The following TRABD2A variants were observed in gnomAD, a reference collection of about 807,000 sequenced individuals.
TRABD2A encodes the protein metalloprotease TIKI1.
A neutral mutation model predicts 45.6 loss-of-function variants in TRABD2A; 43 were observed. The observed-to-expected ratio is 0.94, with a 90% CI of 0.74 to 1.22. TRABD2A has a LOEUF of 1.22. TRABD2A is among the 50% of genes most tolerant of loss of function. TRABD2A has a pLI of 0.00. For missense variants in TRABD2A, 642 were observed against 652.4 expected (o/e 0.98, Z 0.17); for synonymous variants, 269 against 265.0 (o/e 1.02, Z -0.15).
intron 1 of TRABD2A, among the ~76,000 whole-genome samples, chr2:84,872,728 G>A (rs1409707599): frequency 3.3e-5 from 5 of 152,150 alleles, no homozygotes; most frequent in Admixed American, 2.0e-4. Context: ...CTAAACTGTT[G>A]TTCCTAGGGG....
intron 1 of TRABD2A, chr2:84,879,722 G>C (rs1051348237): frequency 4.1e-6 from 2 of 484,248 alleles, no homozygotes; most frequent in African/African-American, 4.2e-5. Context: ...TTGAAACCAT[G>C]CCTGGTGCAG....
At position 84,841,905 on chromosome 2, in the gene TRABD2A, A is replaced by C. The variant is rs1031260886; in HGVS notation, c.772T>G (p.Cys258Gly). 6 of 1,547,748 alleles carry C rather than the reference A, an allele frequency of 3.9e-6. No homozygotes were observed. The highest frequency in any genetic ancestry group is 4.4e-6 in the Non-Finnish European group (5 of 1,146,168). ...TTEDLIKHYN[C>G]GDLSSVILSH... The stretch of plus-strand genomic sequence containing the variant: ...AGGATGACGGAGCTGAGGTCCCCGC[A>C]GTTATAGTGTTTGATGAGATCCTCC... Residue 258 changes from cysteine (C) to glycine (G), a missense_variant, in exon 3 of 7, where the codon TGC becomes GGC. Transcript: ENST00000409520.
intron 2 of TRABD2A, among the ~76,000 whole-genome samples, chr2:84,867,290 A>G (rs751246407): frequency 3.2e-4 from 48 of 152,224 alleles, no homozygotes; most frequent in Non-Finnish European, 4.3e-4. Context: ...AATGTGTTAT[A>G]AAATCAACAT....
intron 4 of TRABD2A, chr2:84,833,051 C>T (rs1162633033): frequency 2.6e-5 from 4 of 152,074 alleles, no homozygotes; most frequent in Non-Finnish European, 4.4e-5. Context: ...GCAAATAGGC[C>T]CCGAGAAGGA....
chr2:84,873,176 T>C (rs1389793945), intron 1 of TRABD2A, among the ~76,000 whole-genome samples: 2 of 150,558 alleles, frequency 1.3e-5, no homozygotes, highest in Non-Finnish European at 2.9e-5. Context: ...ATCCCAGCAC[T>C]TTGGGAGGCC....
intron 1 of TRABD2A, among the ~76,000 whole-genome samples, chr2:84,880,335 C>T (rs1391925345): frequency 6.6e-6 from 1 of 152,138 alleles, no homozygotes; most frequent in Non-Finnish European, 1.5e-5. Context: ...CCCGGCTGGA[C>T]ACGCAAGGCT....
chr2:84,855,746 A>C (rs1379958305), intron 2 of TRABD2A, among the ~76,000 whole-genome samples: 1 of 151,644 alleles, frequency 6.6e-6, no homozygotes, highest in African/African-American at 2.4e-5. Flanking sequence ...CCACATTTGC[A>C]GCAGACCTTT....
chr2:84,843,627 C>T (rs918933856), intron 2 of TRABD2A: 1 of 152,554 alleles, frequency 6.6e-6, no homozygotes, highest in Non-Finnish European at 1.5e-5. Flanking sequence ...TGGTGAGGGC[C>T]TTCTTGCTGC....
chr2:84,824,546 C>CTTTT (rs33984190), intron 5 of TRABD2A, among the ~76,000 whole-genome samples: 3 of 106,092 alleles, frequency 2.8e-5, no homozygotes, highest in Non-Finnish European at 3.8e-5. Flanking sequence ...ACAATTATAG[C>CTTTT]TTTTTTTTTT....
At chr2:84,826,715 G>A (rs28714646) in intron 5 of TRABD2A, among the ~76,000 whole-genome samples, 8,991 of 152,202 alleles carry the variant, frequency 0.059, 459 homozygotes, top group African/African-American at 0.13. Context: ...TGTATTTTTA[G>A]TAGAGACGAG....
rs1681358726 is a variant in TRABD2A, at chr2:84,832,074, C to T, written c.1063G>A (p.Ala355Thr). 3 of 1,613,338 alleles carry T rather than the reference C, an allele frequency of 1.9e-6. No individual in the cohort carries two copies. The highest frequency in any genetic ancestry group is 2.5e-6 in the Non-Finnish European group (3 of 1,179,906). The change falls in exon 5 of 7, where the codon GCT (alanine) becomes ACT (threonine). Residue 355 changes from alanine (A) to threonine (T), a missense_variant. Coordinates refer to ENST00000409520, the MANE Select transcript of TRABD2A (RefSeq NM_001277053.2). ...REGYEVEHAP[A>T]GRPIHKGKSK... ...GGTTACTTGTGGATGGGTCGTCCAG[C>T]AGGGGCGTGTTCTACCTCATAGCCT...
Position 84,836,645 on chromosome 2 carries a change from C to T in TRABD2A, c.991+2504G>A, listed in dbSNP as rs555392999. On this transcript the variant is annotated intron_variant, in intron 4 of 6. Transcript: ENST00000409520. ...TTTTTATTTCTTTCTTTTTTTCTCT[C>T]CTGTCTTCTGGGACTCCCGTTAGGT... is the stretch of plus-strand genomic sequence containing the variant. The T allele has an allele frequency of 2.0e-5, 3 of 152,088 alleles. No homozygotes were observed. The South Asian group carries it at 6.2e-4, about 32-fold the overall frequency. 9.4% of individuals were successfully genotyped at this position (152,088 alleles called of 1,614,324 possible).
At chr2:84,869,916 T>A (rs1027691809) in intron 2 of TRABD2A, among the ~76,000 whole-genome samples, 1 of 149,346 alleles carries the variant, frequency 6.7e-6, no homozygotes, top group African/African-American at 2.5e-5. Context: ...AGGGCAGAGG[T>A]TGCAGTGAAC....
At chr2:84,875,708 G>C (rs1401704945) in intron 1 of TRABD2A, among the ~76,000 whole-genome samples, 1 of 152,154 alleles carries the variant, frequency 6.6e-6, no homozygotes, top group Non-Finnish European at 1.5e-5. Context: ...TCCAGATGTA[G>C]TCTAGAAAAC....
At position 84,871,122 on chromosome 2, in the gene TRABD2A, A is replaced by T. The variant is rs184734641; in HGVS notation, c.109-337T>A. Among the ~76,000 whole-genome samples the T allele has an allele frequency of 1.5e-4, 23 of 152,286 alleles. No individual in the cohort carries two copies. In the East Asian group the frequency reaches 4.1e-3, roughly 27 times the overall value. Reference sequence around the variant, plus strand: ...GACTCAGCTTTTCAATCAAAAGGGGATGGGACCCCCTTTTCAATCAAAATG... The same window carrying T: ...GACTCAGCTTTTCAATCAAAAGGGGTTGGGACCCCCTTTTCAATCAAAATG... On this transcript the variant is annotated intron_variant, in intron 1 of 6. Transcript: ENST00000409520.
chr2:84,839,479 C>T (rs371204326), intron 3 of TRABD2A, among the ~76,000 whole-genome samples, 156 bp from the exon 4 acceptor site: 25 of 152,246 alleles, frequency 1.6e-4, no homozygotes, highest in African/African-American at 6.0e-4. Flanking sequence ...ATGTTTCCCA[C>T]TCTATCACAT....
Position 84,859,299 on chromosome 2 carries a change from T to A in TRABD2A, c.669+10926A>T, listed in dbSNP as rs563380843. On this transcript the variant is annotated intron_variant, in intron 2 of 6. Coordinates refer to ENST00000409520, the MANE Select transcript of TRABD2A (RefSeq NM_001277053.2). ...AATACAGTATGGCCGGATTGAGCTA[T>A]CAGAAAACTACCTCCCTCCAATTGC... 5.9e-5 allele frequency among the ~76,000 whole-genome samples: 9 copies of A among 152,248 alleles called. No individual in the cohort carries two copies. The South Asian group carries it at 1.9e-3, about 32-fold the overall frequency.
At chr2:84,842,320 A>T (rs1681738153) in intron 2 of TRABD2A, among the ~76,000 whole-genome samples, 1 of 152,180 alleles carries the variant, frequency 6.6e-6, no homozygotes, top group Non-Finnish European at 1.5e-5. Flanking sequence ...AATAGAAGCT[A>T]GGAGGTGGGG....
intron 2 of TRABD2A, among the ~76,000 whole-genome samples, chr2:84,863,929 A>G (rs956693899): frequency 6.6e-6 from 1 of 152,192 alleles, no homozygotes; most frequent in Non-Finnish European, 1.5e-5. Context: ...GAAAAATAGA[A>G]TGTCAGGATC....
Sources: allele counts gnomAD v4.1 joint callset (sites outside exome capture counted in the v4.1 genomes callset), GRCh38; gene constraint gnomAD v4.1.1; transcripts MANE v1.5; gene names NCBI Gene and HGNC (gene_info 2026-07-23, HGNC 2026-07-21).